Variants in ABLIM1 observed in about 807,000 individuals in gnomAD.
ABLIM1 encodes actin binding LIM protein 1.
In ABLIM1, 40 loss-of-function variants were observed where a neutral mutation model predicts 107.0. The ratio of observed to expected loss-of-function variants is 0.37; its 90% CI spans 0.29 to 0.49. The LOEUF is 0.49. ABLIM1 is among the 20% of genes least tolerant of loss of function. The pLI is 0.97. For missense variants in ABLIM1, 857 were observed against 1,008.5 expected (o/e 0.85, Z 2.04); for synonymous variants, 357 against 357.3 (o/e 1.00, Z 0.01).
intron 4 of ABLIM1, among the ~76,000 whole-genome samples, chr10:114,563,518 T>C (rs962728634): frequency 1.3e-5 from 2 of 152,082 alleles, no homozygotes; most frequent in African/African-American, 4.8e-5. Flanking sequence ...TGTATAATAG[T>C]AATATAATAC....
chr10:114,485,799 A>G (rs1034735181), intron 8 of ABLIM1, among the ~76,000 whole-genome samples: 9 of 152,210 alleles, frequency 5.9e-5, no homozygotes, highest in African/African-American at 2.2e-4. Flanking sequence ...TCATTTTGCT[A>G]TGGAAACTGC....
intron 1 of ABLIM1, among the ~76,000 whole-genome samples, chr10:114,730,896 TA>T (rs1159593906): frequency 3.3e-5 from 5 of 152,186 alleles, no homozygotes; most frequent in Non-Finnish European, 5.9e-5. Context: ...ATATTTCATG[TA>T]AATAGAATCA....
At chr10:114,746,766 A>G (rs10885602) in intron 1 of ABLIM1, among the ~76,000 whole-genome samples, 20,438 of 152,076 alleles carry the variant, frequency 0.13, 1,862 homozygotes, top group East Asian at 0.45. Context: ...GTGTGAGGTG[A>G]TATTTCATTG....
At chr10:114,580,541 A>G (rs1449816685) in intron 2 of ABLIM1, among the ~76,000 whole-genome samples, 2 of 152,110 alleles carry the variant, frequency 1.3e-5, no homozygotes, top group Non-Finnish European at 2.9e-5. Flanking sequence ...CTTGGAACCA[A>G]CTTTAACATC....
intron 6 of ABLIM1, among the ~76,000 whole-genome samples, chr10:114,499,621 T>C (rs2060129731): frequency 6.6e-6 from 1 of 152,186 alleles, no homozygotes; most frequent in South Asian, 2.1e-4. Context: ...TATGAGTGTC[T>C]TTATTTTATA....
At chr10:114,736,892 G>C (rs764979238) in intron 1 of ABLIM1, among the ~76,000 whole-genome samples, 16 of 152,124 alleles carry the variant, frequency 1.1e-4, no homozygotes, top group Non-Finnish European at 2.1e-4. Context: ...GCTATGATCA[G>C]AATTTGGGAG....
intron 12 of ABLIM1, chr10:114,465,404 GTGAAGAGATT>G (rs2064941433): frequency 4.7e-6 from 1 of 211,970 alleles, no homozygotes; most frequent in East Asian, 1.1e-4. Flanking sequence ...AAGTCTCAAA[GTGAAGAGATT>G]TTTGTTAATC....
At chr10:114,783,192 G>T in the ABLIM1 span, among the ~76,000 whole-genome samples, 4 of 151,988 alleles carry the variant, frequency 2.6e-5, no homozygotes, top group Admixed American at 2.6e-4. Context: ...TGAGGCAGGA[G>T]AATTGCTTGA....
intron 21 of ABLIM1, among the ~76,000 whole-genome samples, 164 bp downstream of exon 21, chr10:114,439,012 C>T (rs2059816803): frequency 6.6e-6 from 1 of 152,236 alleles, no homozygotes; most frequent in African/African-American, 2.4e-5. Context: ...AACCTGCTGA[C>T]CTGATGTGGG....
chr10:114,468,129 A>G (rs1045235662), intron 11 of ABLIM1, 52 bp downstream of exon 11: 4 of 1,522,306 alleles, frequency 2.6e-6, no homozygotes, highest in African/African-American at 2.7e-5. Context: ...GGGAAGGGCC[A>G]AGCAATTCTC....
intron 2 of ABLIM1, among the ~76,000 whole-genome samples, chr10:114,586,459 AG>A (rs2074204444): frequency 6.6e-6 from 1 of 152,226 alleles, no homozygotes; most frequent in Non-Finnish European, 1.5e-5. Context: ...ACTTTAAAAA[AG>A]TAGATAGGAT....
At chr10:114,505,452 C>T (rs1451476806) in intron 6 of ABLIM1, among the ~76,000 whole-genome samples, 3 of 152,144 alleles carry the variant, frequency 2.0e-5, no homozygotes, top group East Asian at 3.9e-4. Flanking sequence ...TCCAAAGAAT[C>T]GCTCCCATGC....
chr10:114,797,203 G>C, the ABLIM1 span, among the ~76,000 whole-genome samples: 1 of 152,116 alleles, frequency 6.6e-6, no homozygotes, highest in African/African-American at 2.4e-5. Flanking sequence ...ACTCCCTCCT[G>C]TTTTCATTTC....
At position 114,603,869 on chromosome 10, in the gene ABLIM1, C is replaced by T. The variant is rs191371882; in HGVS notation, c.245-1908G>A. 2.0e-3 allele frequency among the ~76,000 whole-genome samples: 293 copies of T among 150,220 alleles called. 2 individuals carry two copies. The highest frequency in any genetic ancestry group is 3.3e-3 in the Admixed American group (49 of 14,962). On this transcript the variant is annotated intron_variant, in intron 1 of 22. Transcript: ENST00000533213. Reference sequence around the variant, plus strand: ...TCAGGGGGCTGAGGCAGGAGAATCGCTTGAACCCAGGAGGCAGAGGTTGCA... The same window carrying T: ...TCAGGGGGCTGAGGCAGGAGAATCGTTTGAACCCAGGAGGCAGAGGTTGCA...
At chr10:114,681,069 C>T (rs2080727057) in intron 1 of ABLIM1, among the ~76,000 whole-genome samples, 1 of 152,172 alleles carries the variant, frequency 6.6e-6, no homozygotes, top group Non-Finnish European at 1.5e-5. Flanking sequence ...CCAAGAGCCA[C>T]AATCAGTGAA....
intron 6 of ABLIM1, among the ~76,000 whole-genome samples, chr10:114,509,581 C>T (rs1466100515): frequency 1.3e-5 from 2 of 152,178 alleles, no homozygotes; most frequent in Non-Finnish European, 2.9e-5. Context: ...ATGTAGATCA[C>T]AATACTCTGG....
intron 6 of ABLIM1, among the ~76,000 whole-genome samples, chr10:114,517,913 C>G (rs2063134380): frequency 6.6e-6 from 1 of 152,056 alleles, no homozygotes; most frequent in African/African-American, 2.4e-5. Flanking sequence ...ACACATGGGA[C>G]CATGTGAGAC....
intron 12 of ABLIM1, among the ~76,000 whole-genome samples, chr10:114,458,914 A>G (rs1668647808): frequency 6.6e-6 from 1 of 152,244 alleles, no homozygotes; most frequent in Non-Finnish European, 1.5e-5. Flanking sequence ...TGGCCCAAAG[A>G]TATACTAAGA....
At chr10:114,625,318 G>A (rs551051211) in intron 1 of ABLIM1, among the ~76,000 whole-genome samples, 3 of 152,286 alleles carry the variant, frequency 2.0e-5, no homozygotes, top group Admixed American at 1.3e-4. Flanking sequence ...TCCTGAGGAT[G>A]GAATAGAAGT....
Sources: gnomAD v4.1 joint callset for allele counts (sites outside exome capture counted in the v4.1 genomes callset) on GRCh38, gnomAD v4.1.1 for gene constraint, MANE v1.5 for transcripts, NCBI Gene and HGNC (gene_info 2026-07-23, HGNC 2026-07-21) for gene names.